Variants in ZDHHC14 observed in about 807,000 individuals in gnomAD.
ZDHHC14 encodes zDHHC palmitoyltransferase 14, also known as palmitoyltransferase ZDHHC14.
Under a neutral mutation model 47.7 loss-of-function variants are expected in ZDHHC14, and 16 were observed. That is an observed-to-expected ratio of 0.34 (90% CI 0.23 to 0.51). The LOEUF (loss-of-function observed/expected upper bound fraction) is 0.51. Among genes scored for constraint, ZDHHC14 ranks in the 20% least tolerant of loss-of-function variants. ZDHHC14 has a pLI of 0.97. For missense variants in ZDHHC14, 515 were observed against 662.5 expected (o/e 0.78, Z 2.44); for synonymous variants, 293 against 278.9 (o/e 1.05, Z -0.50).
At chr6:157,530,037 A>T (rs749306952) in intron 1 of ZDHHC14, among the ~76,000 whole-genome samples, 1 of 152,240 alleles carries the variant, frequency 6.6e-6, no homozygotes, top group Non-Finnish European at 1.5e-5. Context: ...ATGAAATGTT[A>T]TATGTGAAAC....
rs1341242839 is a variant in ZDHHC14, at chr6:157,674,991, C to G, written c.*1869C>G. The G allele has an allele frequency of 6.6e-6, 1 of 152,236 alleles. No homozygotes were observed. Among genetic ancestry groups the G allele is most frequent in the Non-Finnish European group, 1.5e-5 (1 of 68,056 alleles). 9.4% of individuals were successfully genotyped at this position (152,236 alleles called of 1,614,324 possible). On this transcript the variant is annotated 3_prime_UTR_variant, in exon 9 of 9. Coordinates refer to ENST00000359775, the MANE Select transcript of ZDHHC14 (RefSeq NM_024630.3). ...TTACACAACCGCACACGCTCACAGG[C>G]ACCAACTCACAGGGATTCTCCTTGT...
intron 4 of ZDHHC14, chr6:157,630,713 T>G (rs1785659677): frequency 6.8e-6 from 1 of 147,602 alleles, no homozygotes; most frequent in South Asian, 2.2e-4. Context: ...ACACATACCC[T>G]TACACACCCA....
intron 1 of ZDHHC14, among the ~76,000 whole-genome samples, chr6:157,529,400 T>C (rs368713907): frequency 9.8e-5 from 15 of 152,340 alleles, no homozygotes; most frequent in Admixed American, 6.5e-4. Flanking sequence ...TATTTTGCAA[T>C]AACAGGAGCA....
At chr6:157,559,327 A>G (rs977680677) in intron 2 of ZDHHC14, among the ~76,000 whole-genome samples, 4 of 152,240 alleles carry the variant, frequency 2.6e-5, no homozygotes, top group African/African-American at 9.6e-5. Flanking sequence ...TGATGTGGCA[A>G]CAGTCGGCCC....
intron 8 of ZDHHC14, among the ~76,000 whole-genome samples, chr6:157,664,008 C>T (rs1261265951): frequency 6.6e-6 from 1 of 152,224 alleles, no homozygotes; most frequent in Non-Finnish European, 1.5e-5. Flanking sequence ...ATGCTATGCA[C>T]ATCAATAAAG....
At chr6:157,588,028 G>C (rs543981007) in intron 2 of ZDHHC14, among the ~76,000 whole-genome samples, 1 of 152,154 alleles carries the variant, frequency 6.6e-6, no homozygotes, top group Non-Finnish European at 1.5e-5. Context: ...GCCAAGGCAG[G>C]CGGGCCACCT....
chr6:157,446,817 C>T (rs1398097631), intron 1 of ZDHHC14, among the ~76,000 whole-genome samples: 1 of 152,150 alleles, frequency 6.6e-6, no homozygotes, highest in Non-Finnish European at 1.5e-5. Flanking sequence ...TATATACACA[C>T]ATGGATATGC....
intron 1 of ZDHHC14, among the ~76,000 whole-genome samples, chr6:157,506,662 T>G (rs988907177): frequency 1.3e-5 from 2 of 152,238 alleles, no homozygotes; most frequent in African/African-American, 4.8e-5. Flanking sequence ...GTATACAACT[T>G]AGGTGATGTG....
intron 2 of ZDHHC14, among the ~76,000 whole-genome samples, chr6:157,562,911 A>G (rs1782764640): frequency 6.6e-6 from 1 of 152,076 alleles, no homozygotes; most frequent in Non-Finnish European, 1.5e-5. Flanking sequence ...GCCCAGGTCA[A>G]GGAAGAACCT....
intron 1 of ZDHHC14, among the ~76,000 whole-genome samples, chr6:157,406,873 C>T (rs967608914): frequency 2.0e-5 from 3 of 152,192 alleles, no homozygotes; most frequent in African/African-American, 7.2e-5. Context: ...AATTGCCTGA[C>T]ATGCAGAAGA....
intron 3 of ZDHHC14, among the ~76,000 whole-genome samples, chr6:157,604,811 T>A (rs1041367688): frequency 6.6e-6 from 1 of 152,236 alleles, no homozygotes; most frequent in East Asian, 1.9e-4. Context: ...CCCAAAATGC[T>A]GGGATTACAG....
At position 157,484,306 on chromosome 6, in the gene ZDHHC14, C is replaced by CAT. The variant is rs1042050871; in HGVS notation, c.246-58271_246-58270dup. ...ATATATATATGTGTATATATATATA[C>CAT]ATATATATACACATATATATACGTA... On this transcript the variant is annotated intron_variant, in intron 1 of 8. Coordinates refer to ENST00000359775, the MANE Select transcript of ZDHHC14 (RefSeq NM_024630.3). 6.7e-4 allele frequency among the ~76,000 whole-genome samples: 60 copies of CAT among 90,160 alleles called. No individual in the cohort carries two copies. The South Asian group carries it at 0.014, about 21-fold the overall frequency. The allele number at this position is 90,160 out of a possible 152,430, so 59.1% of individuals were successfully genotyped here. A position where few individuals can be genotyped will look rare whatever the true frequency, so the allele number is the denominator to read the frequency against.
rs1177989428 is a variant in ZDHHC14, at chr6:157,381,596, C to T, written c.-426C>T. On this transcript the variant is annotated 5_prime_UTR_variant, in exon 1 of 9. Transcript: ENST00000359775. ...GAAGCCGGCGCCGGGGCCGCCGCCT[C>T]GTGTCCCCTCGGGGCGCAGTGCTCG... The T allele has an allele frequency of 1.3e-5, 5 of 389,298 alleles. No individual in the cohort carries two copies. The highest frequency in any genetic ancestry group is 2.7e-4 in the East Asian group (2 of 7,372). The allele number at this position is 389,298 out of a possible 1,614,324, so 24.1% of individuals were successfully genotyped here.
At chr6:157,497,971 A>T (rs1780107364) in intron 1 of ZDHHC14, among the ~76,000 whole-genome samples, 1 of 152,250 alleles carries the variant, frequency 6.6e-6, no homozygotes. Flanking sequence ...TTTGATGAAG[A>T]CAGTAAGGGC....
chr6:157,476,348 A>G (rs1417288237), intron 1 of ZDHHC14, among the ~76,000 whole-genome samples: 1 of 152,214 alleles, frequency 6.6e-6, no homozygotes, highest in Non-Finnish European at 1.5e-5. Flanking sequence ...ACCTATCAAG[A>G]CAATCATGAA....
chr6:157,470,175 C>T (rs9355257), intron 1 of ZDHHC14, among the ~76,000 whole-genome samples: 143,939 of 152,336 alleles, frequency 0.94, 68,084 homozygotes, highest in East Asian at 1. Flanking sequence ...TTTCCTTAGA[C>T]AAACCAAGGT....
intron 6 of ZDHHC14, 75 bp downstream of exon 6, chr6:157,645,914 G>T: frequency 7.5e-7 from 1 of 1,324,974 alleles, no homozygotes; most frequent in Non-Finnish European, 1.1e-6. Context: ...GAAAGAAAAG[G>T]TTGAGCCCAG....
intron 1 of ZDHHC14, among the ~76,000 whole-genome samples, chr6:157,511,431 A>G (rs1277891657): frequency 1.3e-5 from 2 of 149,674 alleles, no homozygotes; most frequent in African/African-American, 5.0e-5. Flanking sequence ...CCCAGGCTGG[A>G]GTGCAATGGT....
At position 157,595,232 on chromosome 6, in the gene ZDHHC14, G is replaced by A. The variant is rs139493649; in HGVS notation, c.565+2086G>A. 2.0e-3 allele frequency among the ~76,000 whole-genome samples: 232 copies of A among 115,542 alleles called. 5 individuals are homozygous for A. The East Asian group carries it at 0.043, about 21-fold the overall frequency. The allele number at this position is 115,542 out of a possible 152,430, so 75.8% of individuals were successfully genotyped here. A position where few individuals can be genotyped will look rare whatever the true frequency, so the allele number is the denominator to read the frequency against. Reference sequence around the variant, plus strand: ...TTTTGTGATGGAGTCTTGCTCTGTCGTCCAGGCTGGAGTGCAGTGGCATGA... The same window carrying A: ...TTTTGTGATGGAGTCTTGCTCTGTCATCCAGGCTGGAGTGCAGTGGCATGA... On this transcript the variant is annotated intron_variant, in intron 3 of 8. Transcript: ENST00000359775.
Sources: allele counts gnomAD v4.1 joint callset (sites outside exome capture counted in the v4.1 genomes callset), GRCh38; gene constraint gnomAD v4.1.1; transcripts MANE v1.5; gene names NCBI Gene and HGNC (gene_info 2026-07-23, HGNC 2026-07-21).